The following NHEJ1 variants were observed in gnomAD, a reference collection of about 807,000 sequenced individuals.
NHEJ1 encodes the protein non-homologous end-joining factor 1.
NHEJ1 carries 22 observed loss-of-function variants against 39.4 expected under a neutral mutation model. The ratio of observed to expected loss-of-function variants is 0.56; its 90% CI spans 0.40 to 0.80. The LOEUF is 0.80. NHEJ1 is among the 30% of genes least tolerant of loss of function. NHEJ1 has a pLI of 0.00. For missense variants in NHEJ1, 329 were observed against 357.1 expected, an observed-to-expected ratio of 0.92 and a Z score of 0.63; for synonymous variants, 154 against 135.6, an observed-to-expected ratio of 1.14 and a Z score of -0.94.
intron 5 of NHEJ1, among the ~76,000 whole-genome samples, chr2:219,142,248 A>G (rs966717694): frequency 6.6e-6 from 1 of 152,204 alleles, no homozygotes; most frequent in East Asian, 1.9e-4. Flanking sequence ...AGAGTAGAGA[A>G]TTGCAAAATC....
chr2:219,111,067 A>G lies in NHEJ1; in HGVS notation c.589-32861T>C, dbSNP rs1000562621. On this transcript the variant is annotated intron_variant, in intron 5 of 7. Coordinates refer to ENST00000356853, the MANE Select transcript of NHEJ1 (RefSeq NM_024782.3). The surrounding 1 kb of genome is among the most constrained non-coding windows in gnomAD (Gnocchi z 4.1). ...AGCTCAAAGTTCCTTTAAATAAAAC[A>G]TCACCCATCCTCACAAAATCCTTGT... 3.9e-5 allele frequency among the ~76,000 whole-genome samples: 6 copies of G among 152,232 alleles called. No individual in the cohort carries two copies. The highest frequency in any genetic ancestry group is 5.9e-5 in the Non-Finnish European group (4 of 68,046).
chr2:219,127,085 G>A (rs1356592946), intron 5 of NHEJ1, among the ~76,000 whole-genome samples: 3 of 152,142 alleles, frequency 2.0e-5, no homozygotes, highest in Non-Finnish European at 4.4e-5. Context: ...TAAGAAGTTT[G>A]GACTTTATCC....
At chr2:219,151,026 G>A (rs1949790212) in intron 3 of NHEJ1, among the ~76,000 whole-genome samples, 1 of 151,644 alleles carries the variant, frequency 6.6e-6, no homozygotes, top group African/African-American at 2.4e-5. Flanking sequence ...TACTTGGGAG[G>A]CTGAGGTGGG....
At chr2:219,145,493 G>A (rs1054216235) in intron 5 of NHEJ1, among the ~76,000 whole-genome samples, 13 of 152,122 alleles carry the variant, frequency 8.5e-5, no homozygotes, top group Non-Finnish European at 7.3e-5. Flanking sequence ...AAAGAGGTAC[G>A]GGACACAGAC....
At chr2:219,080,615 T>G (rs1463395263) in intron 5 of NHEJ1, among the ~76,000 whole-genome samples, 1 of 89,212 alleles carries the variant, frequency 1.1e-5, no homozygotes, top group East Asian at 3.2e-4. Flanking sequence ...ATATATAAGC[T>G]TATATATATG....
intron 5 of NHEJ1, among the ~76,000 whole-genome samples, chr2:219,105,321 G>C (rs190344708): frequency 6.6e-5 from 10 of 152,126 alleles, no homozygotes; most frequent in Non-Finnish European, 1.5e-4. Context: ...GAAAGATGTA[G>C]GTGGCACCAG....
chr2:219,077,406 T>C, intron 6 of NHEJ1, 42 bp from the exon 7 acceptor site: 1 of 1,419,690 alleles, frequency 7.0e-7, no homozygotes, highest in Non-Finnish European at 1.0e-6. Context: ...ATAAATGCCT[T>C]CTTCTTACCA....
rs1413769340 is a variant in NHEJ1, at chr2:219,071,085, C to T, written c.*5296G>A. ...CTGTCTTGAGTAAGGGCTGTCTTTA[C>T]CATGCATGATTCCCAACAGCACTGC... On this transcript the variant is annotated 3_prime_UTR_variant, in exon 8 of 8. Transcript: ENST00000356853. Among the ~76,000 whole-genome samples, 1 of 152,190 alleles carries T rather than the reference C, an allele frequency of 6.6e-6. No homozygotes were observed. Among genetic ancestry groups the T allele is most frequent in the African/African-American group, 2.4e-5 (1 of 41,442 alleles).
chr2:219,098,785 TA>T (rs1338603026), intron 5 of NHEJ1, among the ~76,000 whole-genome samples: 1 of 152,172 alleles, frequency 6.6e-6, no homozygotes, highest in Admixed American at 6.5e-5. Context: ...AGTCTGTCTC[TA>T]AAAAAATTTT....
chr2:219,081,397 G>C (rs79559443), intron 5 of NHEJ1, among the ~76,000 whole-genome samples: 2,333 of 152,322 alleles, frequency 0.015, 69 homozygotes, highest in African/African-American at 0.053. Context: ...GACTGAGCCA[G>C]GAGCACGATG....
At chr2:219,128,761 G>A (rs967524620) in intron 5 of NHEJ1, among the ~76,000 whole-genome samples, 2 of 152,190 alleles carry the variant, frequency 1.3e-5, no homozygotes, top group African/African-American at 2.4e-5. Flanking sequence ...TGACCGGCCA[G>A]CCAGAATCCT....
chr2:219,144,139 T>G (rs1949714443), intron 5 of NHEJ1, among the ~76,000 whole-genome samples: 1 of 151,982 alleles, frequency 6.6e-6, no homozygotes, highest in African/African-American at 2.4e-5. Context: ...AGGCAGAGAT[T>G]ACAGTGAGCC....
chr2:219,070,187 T>TA lies in NHEJ1; in HGVS notation c.*6193_*6194insT, dbSNP rs1203112124. On this transcript the variant is annotated 3_prime_UTR_variant, in exon 8 of 8. Transcript: ENST00000356853. ...AGGCGCACATCACCACACTAATTTT[T>TA]TTTTTATTTTTATTTTTGAGATGGA... Among the ~76,000 whole-genome samples the TA allele has an allele frequency of 2.0e-5, 3 of 152,048 alleles. No homozygotes were observed. In the East Asian group the frequency reaches 5.8e-4, roughly 29 times the overall value.
rs768332057 is a variant in NHEJ1, at chr2:219,111,499, A to C, written c.589-33293T>G. ...CCTGACCCCTAGAAAAAATCTAGTT[A>C]TCCCACACGCTTGGCCCACTCCCCT... is the stretch of plus-strand genomic sequence containing the variant. On this transcript the variant is annotated intron_variant, in intron 5 of 7. Coordinates refer to ENST00000356853, the MANE Select transcript of NHEJ1 (RefSeq NM_024782.3). The surrounding 1 kb of genome is among the most constrained non-coding windows in gnomAD (Gnocchi z 4.1). 6.6e-6 allele frequency among the ~76,000 whole-genome samples: 1 copy of C among 152,182 alleles called. No individual in the cohort carries two copies. Among genetic ancestry groups the C allele is most frequent in the Non-Finnish European group, 1.5e-5 (1 of 68,022 alleles).
intron 5 of NHEJ1, among the ~76,000 whole-genome samples, chr2:219,144,352 A>G (rs1329837564): frequency 6.6e-6 from 1 of 152,214 alleles, no homozygotes; most frequent in East Asian, 1.9e-4. Flanking sequence ...CAAAGAGTCC[A>G]CAGATCAGTG....
intron 5 of NHEJ1, among the ~76,000 whole-genome samples, chr2:219,081,947 CA>C (rs1488625585): frequency 2.0e-5 from 3 of 152,194 alleles, no homozygotes; most frequent in Non-Finnish European, 4.4e-5. Flanking sequence ...CACTAGTTTG[CA>C]AAGGACTTCA....
chr2:219,094,731 A>G (rs1949190716), intron 5 of NHEJ1, among the ~76,000 whole-genome samples: 1 of 152,012 alleles, frequency 6.6e-6, no homozygotes, highest in African/African-American at 2.4e-5. Context: ...TGGGTGTAGG[A>G]TTCCCACTGA....
At chr2:219,137,071 G>GAAAAA (rs769632691) in intron 5 of NHEJ1, among the ~76,000 whole-genome samples, 1 of 64,972 alleles carries the variant, frequency 1.5e-5, no homozygotes, top group Non-Finnish European at 3.3e-5. Flanking sequence ...CTCTTCTTGA[G>GAAAAA]AAAAAAAAAA....
At chr2:219,149,772 G>A (rs960450747) in intron 3 of NHEJ1, among the ~76,000 whole-genome samples, 2 of 152,192 alleles carry the variant, frequency 1.3e-5, no homozygotes, top group Non-Finnish European at 2.9e-5. Flanking sequence ...TTTCTATAAA[G>A]GGCCAGATAG....
Sources: allele counts gnomAD v4.1 joint callset (sites outside exome capture counted in the v4.1 genomes callset), GRCh38; gene constraint gnomAD v4.1.1; non-coding constraint Gnocchi (gnomAD v3.1); transcripts MANE v1.5; gene names NCBI Gene and HGNC (gene_info 2026-07-23, HGNC 2026-07-21).